The following THSD7A variants were observed in gnomAD, a reference collection of about 807,000 sequenced individuals.
THSD7A encodes the protein thrombospondin type-1 domain-containing protein 7A.
In THSD7A, 96 loss-of-function variants were observed where a neutral mutation model predicts 231.3. That is an observed-to-expected ratio of 0.41 (90% CI 0.35 to 0.49). The LOEUF (loss-of-function observed/expected upper bound fraction) is 0.49. THSD7A is among the 20% of genes least tolerant of loss of function. THSD7A has a pLI of 0.05. For synonymous variants in THSD7A, 940 were observed against 743.3 expected, an observed-to-expected ratio of 1.26 and a Z score of -4.30; for missense variants, 2,290 against 2,070.2, an observed-to-expected ratio of 1.11 and a Z score of -2.06.
In THSD7A at chr7:11,401,836, T is replaced by C. The variant is rs1187261442; in HGVS notation, c.4370A>G (p.His1457Arg). Residue 1457 changes from histidine (H) to arginine (R), a missense_variant, in exon 23 of 28, where the codon CAT (histidine) becomes CGT (arginine). His to Arg is a conservative substitution (Grantham distance 29). Coordinates refer to ENST00000423059, the MANE Select transcript of THSD7A (RefSeq NM_015204.3). ...PVIIQELENQ[H>R]LCPEQMLETK... ...TTCTAACATCTGCTCTGGGCACAGA[T>C]GCTGATTCTCTAGTTCTTGTATAAT... is the stretch of plus-strand genomic sequence containing the variant. The C allele has an allele frequency of 6.2e-7, 1 of 1,613,850 alleles. No homozygotes were observed. Among genetic ancestry groups the C allele is most frequent in the Admixed American group, 1.7e-5 (1 of 60,000 alleles).
chr7:11,602,887 T>A (rs557618250), intron 2 of THSD7A, among the ~76,000 whole-genome samples: 1 of 151,104 alleles, frequency 6.6e-6, no homozygotes, highest in African/African-American at 2.4e-5. Flanking sequence ...GTTGATGGAT[T>A]AAAGACTTAA....
At chr7:11,427,129 T>A (rs1196488298) in intron 14 of THSD7A, among the ~76,000 whole-genome samples, 2 of 152,216 alleles carry the variant, frequency 1.3e-5, no homozygotes, top group Non-Finnish European at 2.9e-5. Flanking sequence ...CTTCCTCAGC[T>A]AGAAAAATAG....
In THSD7A at chr7:11,529,659, A is replaced by T. The variant is rs1583913952; in HGVS notation, c.1822+11760T>A. ...ATGCCTTGCTTGCCCTTTGCCTTCC[A>T]CCATGATTGTAAGTTTTCTGAGTGA... On this transcript the variant is annotated intron_variant, in intron 6 of 27. Coordinates refer to ENST00000423059, the MANE Select transcript of THSD7A (RefSeq NM_015204.3). 2.0e-5 allele frequency among the ~76,000 whole-genome samples: 3 copies of T among 152,068 alleles called. No homozygotes were observed. In the East Asian group the frequency reaches 5.8e-4, roughly 29 times the overall value.
chr7:11,457,878 T>C (rs1785361679), intron 11 of THSD7A, among the ~76,000 whole-genome samples: 1 of 152,154 alleles, frequency 6.6e-6, no homozygotes, highest in Admixed American at 6.6e-5. Context: ...GTACTTTAAG[T>C]CTTTCCTCAG....
chr7:11,716,796 A>G (rs1313830590), intron 1 of THSD7A, among the ~76,000 whole-genome samples: 1 of 151,502 alleles, frequency 6.6e-6, no homozygotes, highest in Non-Finnish European at 1.5e-5. Context: ...GTCTTTCTGA[A>G]GAAAAAATCT....
chr7:11,423,551 A>G (rs1784223520), intron 16 of THSD7A, among the ~76,000 whole-genome samples: 1 of 151,888 alleles, frequency 6.6e-6, no homozygotes. Flanking sequence ...TGTATTTTTT[A>G]GTAGAGATGG....
At chr7:11,593,942 C>T (rs1167727089) in intron 2 of THSD7A, among the ~76,000 whole-genome samples, 1 of 152,096 alleles carries the variant, frequency 6.6e-6, no homozygotes, top group East Asian at 1.9e-4. Flanking sequence ...TTGAAGCATG[C>T]AAAGTATTGG....
At chr7:11,581,254 T>TCCC (rs1326658725) in intron 4 of THSD7A, among the ~76,000 whole-genome samples, 1 of 152,120 alleles carries the variant, frequency 6.6e-6, no homozygotes, top group Non-Finnish European at 1.5e-5. Flanking sequence ...CTTAACTGGG[T>TCCC]ATTTATACGT....
intron 6 of THSD7A, among the ~76,000 whole-genome samples, chr7:11,534,784 T>A (rs1301035648): frequency 1.3e-5 from 2 of 152,180 alleles, no homozygotes; most frequent in African/African-American, 2.4e-5. Context: ...GAGGAATGCA[T>A]CTGTTGGGTT....
Position 11,617,255 on chromosome 7 carries a change from C to T in THSD7A, c.1022+18875G>A, listed in dbSNP as rs117850231. ...AAGTACAATACATGCATAACATACACACATGCATACACATTTTAAAGACAA... is the reference window on the plus strand; with the variant it reads ...AAGTACAATACATGCATAACATACATACATGCATACACATTTTAAAGACAA... On this transcript the variant is annotated intron_variant, in intron 2 of 27. Transcript: ENST00000423059. Among the ~76,000 whole-genome samples, 17 of 152,302 alleles carry T rather than the reference C, an allele frequency of 1.1e-4. No individual in the cohort carries two copies. In the East Asian group the frequency reaches 2.5e-3, roughly 22 times the overall value.
At chr7:11,393,126 C>T (rs998481768) in intron 23 of THSD7A, among the ~76,000 whole-genome samples, 2 of 152,198 alleles carry the variant, frequency 1.3e-5, no homozygotes, top group African/African-American at 2.4e-5. Context: ...ACAGATGCCT[C>T]ATACAGGAGA....
At chr7:11,774,173 C>G (rs183142884) in intron 1 of THSD7A, among the ~76,000 whole-genome samples, 1 of 152,054 alleles carries the variant, frequency 6.6e-6, no homozygotes, top group Non-Finnish European at 1.5e-5. Context: ...TAAGGAAATT[C>G]TAACATTTGT....
intron 2 of THSD7A, among the ~76,000 whole-genome samples, chr7:11,595,902 T>C (rs1428963167): frequency 6.6e-6 from 1 of 152,238 alleles, no homozygotes; most frequent in Non-Finnish European, 1.5e-5. Flanking sequence ...GCAATCAGAA[T>C]AGTCTGACTC....
rs73676067 is a variant in THSD7A, at chr7:11,665,798, C to T, written c.191-28837G>A. 7.8e-3 allele frequency among the ~76,000 whole-genome samples: 1,187 copies of T among 151,924 alleles called. 12 individuals are homozygous for T. Among genetic ancestry groups the T allele is most frequent in the African/African-American group, 0.027 (1,101 of 41,436 alleles). On this transcript the variant is annotated intron_variant, in intron 1 of 27. Coordinates refer to ENST00000423059, the MANE Select transcript of THSD7A (RefSeq NM_015204.3). ...TTGGGGGCCCCCTCAGAAAAAAGAA[C>T]GTAAAGTTACTAATACAAAATATGG... is the stretch of plus-strand genomic sequence containing the variant.
At chr7:11,502,351 C>G (rs1278357837) in intron 6 of THSD7A, among the ~76,000 whole-genome samples, 1 of 152,084 alleles carries the variant, frequency 6.6e-6, no homozygotes. Context: ...AACTTCAGGC[C>G]AATATCCTTG....
chr7:11,831,827 T>G lies in THSD7A; in HGVS notation c.120A>C (p.Leu40=). 1 of 1,434,610 alleles carries G rather than the reference T, an allele frequency of 7.0e-7. No individual in the cohort carries two copies. The highest frequency in any genetic ancestry group is 1.5e-5 in the African/African-American group (1 of 68,324). 88.9% of individuals were successfully genotyped at this position (1,434,610 alleles called of 1,614,324 possible). A position where few individuals can be genotyped will look rare whatever the true frequency, so the allele number is the denominator to read the frequency against. ...CCGCAGCCCTGCCGGCGCCCGGGCG[T>G]AGCAGCAGCAGCAGGAGCAGCGGCA... is the stretch of plus-strand genomic sequence containing the variant. The part of the protein sequence containing the change: ...LPLPLLLLLL[L]RPGAGRAAAQ... Residue 40 remains leucine (L), a synonymous_variant, in exon 1 of 28, where the codon CTA becomes CTC. Coordinates refer to ENST00000423059, the MANE Select transcript of THSD7A (RefSeq NM_015204.3). The surrounding 1 kb of genome is among the most constrained non-coding windows in gnomAD (Gnocchi z 5.0).
chr7:11,434,506 T>C (rs944679390), intron 13 of THSD7A, among the ~76,000 whole-genome samples: 2 of 152,142 alleles, frequency 1.3e-5, no homozygotes, highest in Admixed American at 6.6e-5. Context: ...TACTAAATTG[T>C]GCTGCTGAAA....
At chr7:11,727,803 A>G (rs931854435) in intron 1 of THSD7A, among the ~76,000 whole-genome samples, 2 of 151,980 alleles carry the variant, frequency 1.3e-5, no homozygotes, top group Non-Finnish European at 2.9e-5. Flanking sequence ...CTGAGGATAC[A>G]CCCATTGCTT....
At chr7:11,744,808 A>G (rs1460518439) in intron 1 of THSD7A, among the ~76,000 whole-genome samples, 1 of 152,004 alleles carries the variant, frequency 6.6e-6, no homozygotes, top group Non-Finnish European at 1.5e-5. Flanking sequence ...TCCATGGTGT[A>G]TATGTGCCAC....
Sources: allele counts gnomAD v4.1 joint callset (sites outside exome capture counted in the v4.1 genomes callset), GRCh38; gene constraint gnomAD v4.1.1; non-coding constraint Gnocchi (gnomAD v3.1); transcripts MANE v1.5; gene names NCBI Gene and HGNC (gene_info 2026-07-23, HGNC 2026-07-21).